The following GFRA2 variants were observed in gnomAD, a reference collection of about 807,000 sequenced individuals.
The protein encoded by GFRA2 is GDNF family receptor alpha-2.
GFRA2 carries 17 observed loss-of-function variants against 48.3 expected under a neutral mutation model. That is an observed-to-expected ratio of 0.35 (90% CI 0.24 to 0.53). The LOEUF is 0.53. Ranked by LOEUF, GFRA2 falls within the 20% of genes least tolerant of loss-of-function variation. The pLI, the probability that GFRA2 is intolerant of heterozygous loss-of-function variation, is 0.93. For synonymous variants in GFRA2, 305 were observed against 257.2 expected (o/e 1.19, Z -1.78); for missense variants, 660 against 637.3 (o/e 1.04, Z -0.38).
intron 4 of GFRA2, among the ~76,000 whole-genome samples, chr8:21,741,223 A>C (rs911555602): frequency 4.0e-5 from 6 of 151,828 alleles, no homozygotes; most frequent in African/African-American, 1.5e-4. Context: ...CCCAACCTCA[A>C]CCTGTGCATC....
chr8:21,729,389 G>A (rs867947228), intron 4 of GFRA2, among the ~76,000 whole-genome samples: 3 of 152,104 alleles, frequency 2.0e-5, no homozygotes, highest in Non-Finnish European at 1.5e-5. Flanking sequence ...TATTACAGGG[G>A]AGCAGGGCTG....
intron 3 of GFRA2, among the ~76,000 whole-genome samples, chr8:21,752,113 C>T (rs1436204199): frequency 2.6e-5 from 4 of 152,078 alleles, no homozygotes; most frequent in Non-Finnish European, 5.9e-5. Context: ...TTTCTCTCTC[C>T]CCTACATCAT....
intron 4 of GFRA2, among the ~76,000 whole-genome samples, chr8:21,706,819 C>G (rs555280030): frequency 6.5e-4 from 99 of 152,350 alleles, no homozygotes; most frequent in Non-Finnish European, 9.8e-4. Flanking sequence ...AGTGTCTGAG[C>G]TGGGTCTGTC....
rs553838326 is a variant in GFRA2 at position 21,767,017 on chromosome 8, T to C, written c.439+7955A>G. Among the ~76,000 whole-genome samples the C allele has an allele frequency of 3.5e-5, 3 of 84,772 alleles. No individual in the cohort carries two copies. In the Admixed American group the frequency reaches 3.7e-4, roughly 10 times the overall value. 55.6% of individuals were successfully genotyped at this position (84,772 alleles called of 152,430 possible). A position where few individuals can be genotyped will look rare whatever the true frequency, so the allele number is the denominator to read the frequency against. ...CACACAACCTACATACACCAGCACATATATTACACACACTGCCATGCACAA... is the reference window on the plus strand; with the variant it reads ...CACACAACCTACATACACCAGCACACATATTACACACACTGCCATGCACAA... On this transcript the variant is annotated intron_variant, in intron 3 of 8. Coordinates refer to ENST00000524240, the MANE Select transcript of GFRA2 (RefSeq NM_001495.5).
At chr8:21,742,930 T>G (rs936930177) in intron 4 of GFRA2, among the ~76,000 whole-genome samples, 2 of 152,196 alleles carry the variant, frequency 1.3e-5, no homozygotes, top group Non-Finnish European at 2.9e-5. Flanking sequence ...TGTGCAGCCC[T>G]GCCAAGCAGT....
rs1031549624 is a variant in GFRA2, at chr8:21,690,959, C to T, written c.*2319G>A. 2 of 152,232 alleles carry T rather than the reference C, an allele frequency of 1.3e-5. No homozygotes were observed. The highest frequency in any genetic ancestry group is 2.1e-4 in the South Asian group (1 of 4,832). The allele number at this position is 152,232 out of a possible 1,614,324, so 9.4% of individuals were successfully genotyped here. A position where few individuals can be genotyped will look rare whatever the true frequency, so the allele number is the denominator to read the frequency against. ...AGTGGATGCCATGACCACGTCTACC[C>T]GCAATGGCTGGACAGAGACCTGGCT... On this transcript the variant is annotated 3_prime_UTR_variant, in exon 9 of 9. Coordinates refer to ENST00000524240, the MANE Select transcript of GFRA2 (RefSeq NM_001495.5).
intron 4 of GFRA2, among the ~76,000 whole-genome samples, chr8:21,713,441 C>A (rs969398564): frequency 5.9e-5 from 9 of 152,158 alleles, no homozygotes; most frequent in Non-Finnish European, 1.3e-4. Flanking sequence ...AGTGATCCAC[C>A]CACCTTGGCC....
At chr8:21,766,552 C>T (rs953228583) in intron 3 of GFRA2, among the ~76,000 whole-genome samples, 1 of 151,806 alleles carries the variant, frequency 6.6e-6, no homozygotes, top group Admixed American at 6.5e-5. Context: ...ACGCCCCAAA[C>T]ACACGAACCA....
chr8:21,697,524 C>T (rs1358381406), intron 7 of GFRA2, among the ~76,000 whole-genome samples: 2 of 151,936 alleles, frequency 1.3e-5, no homozygotes, highest in African/African-American at 4.8e-5. Context: ...GAAGGTGGCA[C>T]CTAGTGGCGG....
intron 1 of GFRA2, among the ~76,000 whole-genome samples, chr8:21,784,057 T>C (rs372725218): frequency 0.039 from 5,973 of 151,938 alleles, 398 homozygotes; most frequent in African/African-American, 0.14. Context: ...AATGGAACCT[T>C]GCTCCTCCAC....
At chr8:21,756,375 G>A (rs562464151) in intron 3 of GFRA2, among the ~76,000 whole-genome samples, 3 of 152,320 alleles carry the variant, frequency 2.0e-5, no homozygotes, top group South Asian at 2.1e-4. Flanking sequence ...AGCAGGAACC[G>A]GGTTTGAGTG....
intron 4 of GFRA2, among the ~76,000 whole-genome samples, chr8:21,714,305 G>A (rs1378955055): frequency 3.7e-5 from 5 of 136,976 alleles, no homozygotes; most frequent in African/African-American, 1.4e-4. Context: ...AGGCTGGGCA[G>A]TGGCACAATC....
chr8:21,735,455 AC>A (rs1234066603), intron 4 of GFRA2, among the ~76,000 whole-genome samples: 2 of 151,476 alleles, frequency 1.3e-5, no homozygotes, highest in African/African-American at 4.9e-5. Flanking sequence ...CTTCGCACAC[AC>A]ACAGGAGATG....
At chr8:21,755,219 C>T (rs1418154333) in intron 3 of GFRA2, among the ~76,000 whole-genome samples, 1 of 152,034 alleles carries the variant, frequency 6.6e-6, no homozygotes, top group Non-Finnish European at 1.5e-5. Context: ...CTAGGCTTTG[C>T]CTCATAATGA....
At chr8:21,759,885 T>C (rs548545710) in intron 3 of GFRA2, among the ~76,000 whole-genome samples, 23 of 101,774 alleles carry the variant, frequency 2.3e-4, no homozygotes, top group African/African-American at 1.1e-3. Context: ...CAAGATTGCG[T>C]CTCAAAAAAA....
At chr8:21,700,135 A>G (rs1009529365) in intron 7 of GFRA2, among the ~76,000 whole-genome samples, 3 of 152,206 alleles carry the variant, frequency 2.0e-5, no homozygotes, top group African/African-American at 7.2e-5. Context: ...AGTGCAGACC[A>G]GCAGGTAGCT....
chr8:21,742,694 C>T (rs1804810539), intron 4 of GFRA2, among the ~76,000 whole-genome samples: 1 of 152,204 alleles, frequency 6.6e-6, no homozygotes, highest in African/African-American at 2.4e-5. Context: ...GGTGAGGCCT[C>T]TGGTACAAAC....
rs894129754 is a variant in GFRA2 at position 21,776,633 on chromosome 8, G to A, written c.356-1578C>T. 9.3e-4 allele frequency among the ~76,000 whole-genome samples: 142 copies of A among 152,214 alleles called. 5 individuals are homozygous for A. In the East Asian group the frequency reaches 0.026, roughly 28 times the overall value. On this transcript the variant is annotated intron_variant, in intron 2 of 8. Transcript: ENST00000524240. ...TTACAGGCACGTGCCACCATGCCCA[G>A]CTAATTTTTGTATTTTTAGTAGAGA...
At position 21,736,407 on chromosome 8, in the gene GFRA2, C is replaced by A. The variant is rs1804465571; in HGVS notation, c.794+14181G>T. Reference sequence around the variant, plus strand: ...TAAAAAAATAGCTGCAAGTTACATTCTCCAAAATGTTAGCCATGGCTTATT... The same window carrying A: ...TAAAAAAATAGCTGCAAGTTACATTATCCAAAATGTTAGCCATGGCTTATT... On this transcript the variant is annotated intron_variant, in intron 4 of 8. Transcript: ENST00000524240. Among the ~76,000 whole-genome samples, 3 of 152,338 alleles carry A rather than the reference C, an allele frequency of 2.0e-5. No homozygotes were observed. The South Asian group carries it at 6.2e-4, about 32-fold the overall frequency.
Sources: gnomAD v4.1 joint callset for allele counts (sites outside exome capture counted in the v4.1 genomes callset) on GRCh38, gnomAD v4.1.1 for gene constraint, MANE v1.5 for transcripts, NCBI Gene and HGNC (gene_info 2026-07-23, HGNC 2026-07-21) for gene names.